The following TBL1XR1 variants were observed in gnomAD, a reference collection of about 807,000 sequenced individuals.
The protein encoded by TBL1XR1 is F-box-like/WD repeat-containing protein TBL1XR1.
In TBL1XR1, 5 loss-of-function variants were observed where a neutral mutation model predicts 66.9. The observed-to-expected ratio is 0.07, with a 90% confidence interval of 0.04 to 0.16. The LOEUF is 0.16. Among genes scored for constraint, TBL1XR1 ranks in the 10% least tolerant of loss-of-function variants. TBL1XR1 has a pLI of 1.00. For missense variants in TBL1XR1, 238 were observed against 623.2 expected, an observed-to-expected ratio of 0.38 and a Z score of 6.58; for synonymous variants, 210 against 206.0, an observed-to-expected ratio of 1.02 and a Z score of -0.17.
At chr3:177,176,798 G>A (rs1734211663) in intron 1 of TBL1XR1, among the ~76,000 whole-genome samples, 1 of 151,944 alleles carries the variant, frequency 6.6e-6, no homozygotes, top group Non-Finnish European at 1.5e-5. Context: ...CTGGGCAGAA[G>A]AAAAACTCTG....
At chr3:177,025,733 T>C (rs1449745399) in intron 15 of TBL1XR1, among the ~76,000 whole-genome samples, 1 of 152,086 alleles carries the variant, frequency 6.6e-6, no homozygotes, top group Non-Finnish European at 1.5e-5. Context: ...GCTCAAACTG[T>C]GGGGGAAGAA....
Position 177,086,623 on chromosome 3 carries a change from T to TA in TBL1XR1, c.-46+11842dup, listed in dbSNP as rs1345664393. Among the ~76,000 whole-genome samples the TA allele has an allele frequency of 2.4e-3, 364 of 152,226 alleles. 1 individual carries two copies. Among genetic ancestry groups the TA allele is most frequent in the African/African-American group, 8.4e-3 (349 of 41,540 alleles). ...ATAATTAGAGCCCACAATTTTTTTT[T>TA]AAGAAAAATAATGGTTTTCTCACCA... On this transcript the variant is annotated intron_variant, in intron 2 of 15. Coordinates refer to ENST00000457928, the MANE Select transcript of TBL1XR1 (RefSeq NM_024665.7).
chr3:177,198,996 T>C (rs1367210114), upstream of TBL1XR1, among the ~76,000 whole-genome samples: 1 of 152,094 alleles, frequency 6.6e-6, no homozygotes, highest in Non-Finnish European at 1.5e-5. Context: ...TCAATGTCTC[T>C]TTCCCCCCTG....
In TBL1XR1 at chr3:177,172,752, T is replaced by C. The variant is rs564990135; in HGVS notation, c.-122+24369A>G. Among the ~76,000 whole-genome samples the C allele has an allele frequency of 5.3e-5, 8 of 150,826 alleles. No homozygotes were observed. In the South Asian group the frequency reaches 1.5e-3, roughly 28 times the overall value. ...AAGCCAAGCCAAGCCATAGTAAGTA[T>C]TGCTCCAGATGAGATCCACTGATGA... On this transcript the variant is annotated intron_variant, in intron 1 of 15. Coordinates refer to ENST00000457928, the MANE Select transcript of TBL1XR1 (RefSeq NM_024665.7).
intron 5 of TBL1XR1, among the ~76,000 whole-genome samples, chr3:177,050,831 T>A (rs1422564910): frequency 2.8e-5 from 1 of 35,926 alleles, no homozygotes; most frequent in African/African-American, 1.1e-4. Flanking sequence ...TTTAGAGGGG[T>A]GGGGGTGGGA....
At chr3:177,145,863 C>T (rs1261772054) in intron 1 of TBL1XR1, among the ~76,000 whole-genome samples, 1 of 152,194 alleles carries the variant, frequency 6.6e-6, no homozygotes, top group African/African-American at 2.4e-5. Flanking sequence ...GACAAAATTC[C>T]CATACTGATG....
chr3:177,120,610 G>A (rs865841217), intron 1 of TBL1XR1: 11 of 152,104 alleles, frequency 7.2e-5, no homozygotes, highest in Non-Finnish European at 1.2e-4. Context: ...CAAAGGTCAC[G>A]TGCAATCTTT....
rs3046468 is a variant in TBL1XR1 at position 177,054,045 on chromosome 3, CGTGT to C, written c.59-131_59-128del. ...CCCATTTAAAATCCCAGACGAAGGT[CGTGT>C]GTGTGTGTGTGTGTGTGTGTGTGTG... is the stretch of plus-strand genomic sequence containing the variant. On this transcript the variant is annotated intron_variant, in intron 3 of 15. Coordinates refer to ENST00000457928, the MANE Select transcript of TBL1XR1 (RefSeq NM_024665.7). 207,637 of 607,174 alleles carry C rather than the reference CGTGT, an allele frequency of 0.34. 24,333 individuals carry two copies. The highest frequency in any genetic ancestry group is 0.44 in the South Asian group (18,247 of 41,712). 37.6% of individuals were successfully genotyped at this position (607,174 alleles called of 1,614,324 possible).
intron 1 of TBL1XR1, among the ~76,000 whole-genome samples, chr3:177,168,959 T>G (rs941935947): frequency 5.3e-5 from 8 of 152,142 alleles, no homozygotes; most frequent in African/African-American, 1.7e-4. Flanking sequence ...CCAACTACCC[T>G]CTAGTCAGTC....
chr3:177,058,772 C>T (rs1433771517), intron 3 of TBL1XR1, among the ~76,000 whole-genome samples: 1 of 152,118 alleles, frequency 6.6e-6, no homozygotes, highest in Non-Finnish European at 1.5e-5. Context: ...GCTGGCTAGT[C>T]CTAAAAAACA....
chr3:177,086,803 T>C (rs1722180907), intron 2 of TBL1XR1, among the ~76,000 whole-genome samples: 1 of 151,584 alleles, frequency 6.6e-6, no homozygotes, highest in Admixed American at 6.6e-5. Flanking sequence ...AACTTCCGAC[T>C]TCCCAAAAAC....
chr3:177,200,006 C>G (rs533594487), upstream of TBL1XR1, among the ~76,000 whole-genome samples: 4 of 151,740 alleles, frequency 2.6e-5, no homozygotes, highest in African/African-American at 9.7e-5. Flanking sequence ...GAGTTTCGCT[C>G]TTGTCGCCCA....
intron 1 of TBL1XR1, among the ~76,000 whole-genome samples, chr3:177,168,694 T>A (rs1216016156): frequency 6.6e-6 from 1 of 152,210 alleles, no homozygotes; most frequent in Admixed American, 6.5e-5. Context: ...AACTTTTCTC[T>A]CTCTACAAAC....
At chr3:177,075,484 T>C (rs905783980) in intron 2 of TBL1XR1, among the ~76,000 whole-genome samples, 3 of 152,236 alleles carry the variant, frequency 2.0e-5, no homozygotes, top group Non-Finnish European at 2.9e-5. Context: ...ACACAATTCA[T>C]AATATCTTCT....
At chr3:177,163,076 G>C (rs890462517) in intron 1 of TBL1XR1, among the ~76,000 whole-genome samples, 4 of 152,164 alleles carry the variant, frequency 2.6e-5, no homozygotes, top group Non-Finnish European at 5.9e-5. Flanking sequence ...TTTATGCATA[G>C]GGAATGATCT....
At chr3:177,130,504 GAC>G (rs913244183) in intron 1 of TBL1XR1, among the ~76,000 whole-genome samples, 4 of 152,140 alleles carry the variant, frequency 2.6e-5, no homozygotes, top group African/African-American at 9.7e-5. Context: ...TACATTGGGA[GAC>G]AGCATATTAC....
intron 1 of TBL1XR1, among the ~76,000 whole-genome samples, chr3:177,193,754 G>C (rs1049930103): frequency 1.4e-5 from 2 of 139,112 alleles, no homozygotes; most frequent in African/African-American, 5.4e-5. Context: ...CAAGTTTTTG[G>C]AAGGATGATC....
rs569652676 is a variant in TBL1XR1 at position 177,082,719 on chromosome 3, T to C, written c.-46+15747A>G. 5.6e-5 allele frequency among the ~76,000 whole-genome samples: 6 copies of C among 107,976 alleles called. No individual in the cohort carries two copies. In the South Asian group the frequency reaches 1.9e-3, roughly 35 times the overall value. 70.8% of individuals were successfully genotyped at this position (107,976 alleles called of 152,430 possible). On this transcript the variant is annotated intron_variant, in intron 2 of 15. Coordinates refer to ENST00000457928, the MANE Select transcript of TBL1XR1 (RefSeq NM_024665.7). ...CAACAACTCCCTAACAGACTATTAC[T>C]AAATTTCTAAGATAGAGATTATATA... is the stretch of plus-strand genomic sequence containing the variant.
In TBL1XR1 at chr3:177,021,710, G is replaced by T. The variant is rs1354433712; in HGVS notation, c.*3788C>A. 1 of 152,582 alleles carries T rather than the reference G, an allele frequency of 6.6e-6. No homozygotes were observed. 9.5% of individuals were successfully genotyped at this position (152,582 alleles called of 1,614,324 possible). ...GAAAAACCAACCAGGGTCTCTTGTA[G>T]ATTTGCTGCTATTCCACAAAATGTT... On this transcript the variant is annotated 3_prime_UTR_variant, in exon 16 of 16. Coordinates refer to ENST00000457928, the MANE Select transcript of TBL1XR1 (RefSeq NM_024665.7).
Sources: gnomAD v4.1 joint callset for allele counts (sites outside exome capture counted in the v4.1 genomes callset) on GRCh38, gnomAD v4.1.1 for gene constraint, MANE v1.5 for transcripts, NCBI Gene and HGNC (gene_info 2026-07-23, HGNC 2026-07-21) for gene names.